The following DTNA variants were observed in gnomAD, a reference collection of about 807,000 sequenced individuals.
DTNA encodes dystrobrevin alpha.
A neutral mutation model predicts 100.7 loss-of-function variants in DTNA; 43 were observed. The ratio of observed to expected loss-of-function variants is 0.43; its 90% CI spans 0.33 to 0.55. The LOEUF (loss-of-function observed/expected upper bound fraction) is 0.55, where lower values mean the gene tolerates loss of function less well. DTNA is among the 20% of genes least tolerant of loss of function. The pLI, the probability that DTNA is intolerant of heterozygous loss-of-function variation, is 0.04. For missense variants in DTNA, 798 were observed against 953.9 expected (o/e 0.84, Z 2.15); for synonymous variants, 349 against 347.9 (o/e 1.00, Z -0.04).
At chr18:34,724,862 C>T (rs1362433820) in intron 1 of DTNA, among the ~76,000 whole-genome samples, 17 of 152,200 alleles carry the variant, frequency 1.1e-4, no homozygotes. Flanking sequence ...AACAAAACAG[C>T]ATGGTACTGG....
chr18:34,669,010 A>G (rs1423966169), intron 1 of DTNA, among the ~76,000 whole-genome samples: 1 of 152,080 alleles, frequency 6.6e-6, no homozygotes, highest in Admixed American at 6.5e-5. Flanking sequence ...TGATCTGTCT[A>G]ATGTTGACAG....
chr18:34,498,854 T>C (rs2039577618), intron 1 of DTNA, among the ~76,000 whole-genome samples: 1 of 152,240 alleles, frequency 6.6e-6, no homozygotes, highest in Non-Finnish European at 1.5e-5. Context: ...TACATTTATT[T>C]TGCATTGCCA....
chr18:34,875,272 A>C lies in DTNA; in HGVS notation c.1777A>C (p.Ser593Arg). 1 of 1,614,138 alleles carries C rather than the reference A, an allele frequency of 6.2e-7. No homozygotes were observed. Among genetic ancestry groups the C allele is most frequent in the Non-Finnish European group, 8.5e-7 (1 of 1,180,010 alleles). ...GGCAGGCTCTCCCCGCTCCTCCCCC[A>C]GCCACACCATCAGCAGGCCAATTCC... is the stretch of plus-strand genomic sequence containing the variant. ...QGAGSPRSSPSHTISRPIPMP... is the reference protein window; with the variant it reads ...QGAGSPRSSPRHTISRPIPMP... Residue 593 changes from serine to arginine, a missense_variant, in exon 18 of 23, where the codon AGC becomes CGC. Transcript: ENST00000444659.
At chr18:34,677,226 A>G (rs1251748839) in intron 1 of DTNA, among the ~76,000 whole-genome samples, 1 of 152,214 alleles carries the variant, frequency 6.6e-6, no homozygotes, top group Non-Finnish European at 1.5e-5. Context: ...TGTAAATTTT[A>G]TTAGTCATAG....
intron 3 of DTNA, among the ~76,000 whole-genome samples, chr18:34,789,739 A>AT (rs1273053273): frequency 6.6e-6 from 1 of 152,140 alleles, no homozygotes; most frequent in Non-Finnish European, 1.5e-5. Flanking sequence ...TTCATGAAAT[A>AT]TTTTTCTTTT....
At chr18:34,608,684 G>A (rs1039569096) in intron 1 of DTNA, among the ~76,000 whole-genome samples, 29 of 152,116 alleles carry the variant, frequency 1.9e-4, no homozygotes, top group African/African-American at 6.7e-4. Context: ...CCATCTCTAT[G>A]TATTAGGGTG....
intron 1 of DTNA, among the ~76,000 whole-genome samples, chr18:34,518,704 CGTGTGTGTGTGTGTGTGT>C (rs57035462): frequency 1.6e-4 from 20 of 121,576 alleles, no homozygotes; most frequent in Non-Finnish European, 2.9e-4. Flanking sequence ...ATTTGGCAAA[CGTGTGTGTGTGTGTGTGT>C]GTGTGTGTGT....
chr18:34,853,601 A>G (rs976778448), intron 15 of DTNA, among the ~76,000 whole-genome samples: 4 of 152,138 alleles, frequency 2.6e-5, no homozygotes, highest in African/African-American at 9.7e-5. Flanking sequence ...CGCCTTTGAA[A>G]CTACTGCTCT....
intron 1 of DTNA, among the ~76,000 whole-genome samples, chr18:34,662,156 A>G (rs1333659006): frequency 6.7e-6 from 1 of 148,340 alleles, no homozygotes; most frequent in Non-Finnish European, 1.5e-5. Context: ...TTTTGTACTC[A>G]GGTCAAAGAT....
Position 34,838,801 on chromosome 18 carries a change from G to A in DTNA, c.1310G>A (p.Gly437Glu). ...CTAGCTGATGAACATGTTCTCATCG[G>A]GTTGTATGTCAACATGCTCCGGAAC... is the stretch of plus-strand genomic sequence containing the variant. ...DRLADEHVLI[G>E]LYVNMLRNNP... Residue 437 changes from glycine to glutamate, a missense_variant, in exon 13 of 23, where the codon GGG becomes GAG. Gly to Glu is a moderately conservative substitution (Grantham distance 98, BLOSUM62 -2). Coordinates refer to ENST00000444659, the MANE Select transcript of DTNA (RefSeq NM_001386795.1). 1 of 1,613,742 alleles carries A rather than the reference G, an allele frequency of 6.2e-7. No homozygotes were observed.
At chr18:34,584,147 G>A (rs1430001680) in intron 1 of DTNA, among the ~76,000 whole-genome samples, 1 of 152,178 alleles carries the variant, frequency 6.6e-6, no homozygotes, top group East Asian at 1.9e-4. Context: ...TACCCAAGGG[G>A]GAAGAAATCT....
intron 3 of DTNA, among the ~76,000 whole-genome samples, chr18:34,781,705 T>C (rs552276308): frequency 6.6e-6 from 1 of 152,318 alleles, no homozygotes; most frequent in East Asian, 1.9e-4. Flanking sequence ...AATGAATGAA[T>C]AAATAAATAA....
At chr18:34,500,912 A>G (rs1335556695) in intron 1 of DTNA, among the ~76,000 whole-genome samples, 1 of 152,214 alleles carries the variant, frequency 6.6e-6, no homozygotes, top group Non-Finnish European at 1.5e-5. Flanking sequence ...GAAAACAGAA[A>G]CAATTTTATT....
chr18:34,546,772 TTATCTC>T (rs2044828672), intron 1 of DTNA, among the ~76,000 whole-genome samples: 1 of 150,712 alleles, frequency 6.6e-6, no homozygotes, highest in African/African-American at 2.5e-5. Context: ...TCTTTTTTTT[TTATCTC>T]AGCTCACTGC....
chr18:34,662,206 T>A (rs968289854), intron 1 of DTNA, among the ~76,000 whole-genome samples: 2 of 152,066 alleles, frequency 1.3e-5, no homozygotes, highest in Non-Finnish European at 2.9e-5. Context: ...TCTTGTAATT[T>A]CAAGGAAAAT....
intron 1 of DTNA, among the ~76,000 whole-genome samples, chr18:34,724,428 G>A (rs972349442): frequency 6.6e-6 from 1 of 152,190 alleles, no homozygotes; most frequent in Non-Finnish European, 1.5e-5. Flanking sequence ...TTGAACAGCA[G>A]TTTGATAATT....
At chr18:34,646,466 T>C (rs972750890) in intron 1 of DTNA, among the ~76,000 whole-genome samples, 1 of 152,226 alleles carries the variant, frequency 6.6e-6, no homozygotes, top group Admixed American at 6.5e-5. Context: ...CATTTTGAGC[T>C]ATTAAGTAAA....
At chr18:34,566,830 G>A (rs1340273886) in intron 1 of DTNA, among the ~76,000 whole-genome samples, 1 of 152,156 alleles carries the variant, frequency 6.6e-6, no homozygotes, top group Non-Finnish European at 1.5e-5. Flanking sequence ...AAGATCTTGA[G>A]AATAAAAGGA....
At chr18:34,605,067 A>G (rs957590232) in intron 1 of DTNA, among the ~76,000 whole-genome samples, 1 of 151,994 alleles carries the variant, frequency 6.6e-6, no homozygotes, top group Non-Finnish European at 1.5e-5. Flanking sequence ...ATTTTACAAA[A>G]TGGAAAAACA....
Sources: allele counts gnomAD v4.1 joint callset (sites outside exome capture counted in the v4.1 genomes callset), GRCh38; gene constraint gnomAD v4.1.1; transcripts MANE v1.5; gene names NCBI Gene and HGNC (gene_info 2026-07-23, HGNC 2026-07-21).